The following ANKRD24 variants were observed in gnomAD, a reference collection of about 807,000 sequenced individuals.
ANKRD24 encodes the protein ankyrin repeat domain 24.
In ANKRD24, 109 loss-of-function variants were observed where a neutral mutation model predicts 127.8. That is an observed-to-expected ratio of 0.85 (90% confidence interval 0.73 to 1.00). The LOEUF (loss-of-function observed/expected upper bound fraction) is 1.00, where lower values mean the gene tolerates loss of function less well. Among genes scored for constraint, ANKRD24 ranks in the 50% least tolerant of loss-of-function variants. The probability of loss-of-function intolerance (pLI) is 0.00; values close to 1 mark genes in which losing one functional copy is unlikely to be tolerated. For missense variants in ANKRD24, 1,648 were observed against 1,570.2 expected (o/e 1.05, Z -0.84); for synonymous variants, 743 against 671.1 (o/e 1.11, Z -1.66).
At chr19:4,200,215 A>G in intron 5 of ANKRD24, 44 bp downstream of exon 5, 1 of 1,537,516 alleles carries the variant, frequency 6.5e-7, no homozygotes, top group Non-Finnish European at 8.8e-7. Context: ...AACTAAGCCC[A>G]GGTGCCCAGC....
chr19:4,220,973 T>C lies in ANKRD24; in HGVS notation c.3171+1215T>C, dbSNP rs1035030146. 3.9e-5 allele frequency among the ~76,000 whole-genome samples: 6 copies of C among 152,018 alleles called. No homozygotes were observed. The South Asian group carries it at 8.3e-4, about 21-fold the overall frequency. ...GTGCAGTGGTGCAATCTCAGATCATTGCAGCTTCGACCTCCTGGGTTCAAG... is the reference window on the plus strand; with the variant it reads ...GTGCAGTGGTGCAATCTCAGATCATCGCAGCTTCGACCTCCTGGGTTCAAG... On this transcript the variant is annotated intron_variant, in intron 19 of 21. Transcript: ENST00000318934.
chr19:4,203,015 C>G, intron 7 of ANKRD24, 89 bp downstream of exon 7: 1 of 1,126,710 alleles, frequency 8.9e-7, no homozygotes, highest in Non-Finnish European at 1.2e-6. Flanking sequence ...GGGACCTGAC[C>G]TGCTGTGAAG....
intron 2 of ANKRD24, among the ~76,000 whole-genome samples, chr19:4,193,026 C>T (rs1005169550): frequency 2.0e-5 from 3 of 151,854 alleles, no homozygotes; most frequent in East Asian, 3.9e-4. Flanking sequence ...AGAGGCCTGG[C>T]GCAGTGACTC....
Position 4,217,308 on chromosome 19 carries a change from G to A in ANKRD24, c.2148G>A (p.Glu716=). ...CCATCCTACATCCTGGTGCCGCAGA[G>A]GCCTCGGAAAAGCTTCAAGTAGAGC... The part of the protein sequence containing the change: ...AGPILHPGAA[E]ASEKLQVELE... Residue 716 remains glutamate, a synonymous_variant, in exon 18 of 22, where the codon GAG becomes GAA. Coordinates refer to ENST00000318934, the MANE Select transcript of ANKRD24 (RefSeq NM_001393985.1). 1 of 1,553,072 alleles carries A rather than the reference G, an allele frequency of 6.4e-7. No individual in the cohort carries two copies. Among genetic ancestry groups the A allele is most frequent in the Non-Finnish European group, 8.7e-7 (1 of 1,147,918 alleles).
intron 20 of ANKRD24, 104 bp downstream of exon 20, chr19:4,222,899 G>A (rs1970518372): frequency 2.3e-6 from 3 of 1,333,038 alleles, no homozygotes; most frequent in African/African-American, 1.5e-5. Flanking sequence ...GAGGGGCTGG[G>A]GTAGGCAGGT....
intron 2 of ANKRD24, among the ~76,000 whole-genome samples, 151 bp downstream of exon 2, chr19:4,186,612 T>G (rs894844459): frequency 3.9e-5 from 6 of 151,902 alleles, no homozygotes; most frequent in Non-Finnish European, 5.9e-5. Flanking sequence ...TCCCCACTGC[T>G]CCCCGTACAA....
intron 2 of ANKRD24, among the ~76,000 whole-genome samples, chr19:4,197,003 C>T (rs1009835896): frequency 6.6e-6 from 1 of 152,158 alleles, no homozygotes; most frequent in African/African-American, 2.4e-5. Context: ...CTGTGAGGAA[C>T]GAGTCACAGT....
At chr19:4,215,465 CAAAA>C (rs61437900) in intron 15 of ANKRD24, among the ~76,000 whole-genome samples, 6 of 116,906 alleles carry the variant, frequency 5.1e-5, no homozygotes, top group Admixed American at 8.7e-5. Context: ...AGCCTGGGGG[CAAAA>C]AAAAAAAAAA....
At position 4,212,681 on chromosome 19, in the gene ANKRD24, C is replaced by T. The variant is rs375444482; in HGVS notation, c.1180C>T (p.Arg394Trp). Residue 394 changes from arginine (R) to tryptophan (W), a missense_variant, in exon 15 of 22, where the codon CGG becomes TGG. Physicochemically the swap from Arg to Trp is moderately radical, Grantham distance 101 (BLOSUM62 -3). Transcript: ENST00000318934. Reference sequence around the variant, plus strand: ...ACGGGAGGTGGAGAGTTTGCAGAGCCGGCTGTCCCTGCTGGAGGTAGGAGC... The same window carrying T: ...ACGGGAGGTGGAGAGTTTGCAGAGCTGGCTGTCCCTGCTGGAGGTAGGAGC... ...LGREVESLQSRLSLLENEREN... is the reference protein window; with the variant it reads ...LGREVESLQSWLSLLENEREN... 1.4e-5 allele frequency: 22 copies of T among 1,549,468 alleles called. No homozygotes were observed. Among genetic ancestry groups the T allele is most frequent in the South Asian group, 4.8e-5 (4 of 83,998 alleles).
chr19:4,211,665 A>G (rs1408328929), intron 13 of ANKRD24, among the ~76,000 whole-genome samples: 1 of 151,946 alleles, frequency 6.6e-6, no homozygotes, highest in Non-Finnish European at 1.5e-5. Flanking sequence ...CCACAACAAC[A>G]ACAAACAAAA....
At chr19:4,219,533 G>A (rs1413117505) in intron 18 of ANKRD24, 58 bp from the exon 19 acceptor site, 1 of 1,527,788 alleles carries the variant, frequency 6.5e-7, no homozygotes, top group Admixed American at 2.0e-5. Flanking sequence ...TGAATTCTGG[G>A]GTCTAGCATC....
Position 4,198,227 on chromosome 19 carries a change from C to G in ANKRD24, c.37-1456C>G. On this transcript the variant is annotated intron_variant, in intron 2 of 21. Coordinates refer to ENST00000318934, the MANE Select transcript of ANKRD24 (RefSeq NM_001393985.1). This position sits in a 1 kb window ranked among gnomAD's most constrained non-coding sequence, Gnocchi z 6.1. ...TCCAGGCGACAAGGTCAGGAGGGGC[C>G]GGGGCGGCGCCCCTTCCCTCAGCCC... is the stretch of plus-strand genomic sequence containing the variant. 1 of 516,032 alleles carries G rather than the reference C, an allele frequency of 1.9e-6. No homozygotes were observed. Among genetic ancestry groups the G allele is most frequent in the Admixed American group, 4.0e-5 (1 of 24,892 alleles). 32.0% of individuals were successfully genotyped at this position (516,032 alleles called of 1,614,324 possible). A position where few individuals can be genotyped will look rare whatever the true frequency, so the allele number is the denominator to read the frequency against.
At position 4,200,138 on chromosome 19, in the gene ANKRD24, C is replaced by A; in HGVS notation, c.310C>A (p.His104Asn). The A allele has an allele frequency of 6.2e-7, 1 of 1,607,354 alleles. No homozygotes were observed. Among genetic ancestry groups the A allele is most frequent in the South Asian group, 1.1e-5 (1 of 89,778 alleles). The stretch of plus-strand genomic sequence containing the variant: ...CAGCTGTCTGGAGGTGATGATAGCT[C>A]ATGGCAGCAATGTCATGAGCGCGGA... ...AASCLEVMIA[H>N]GSNVMSADGA... The change falls in exon 5 of 22, where the codon CAT becomes AAT. Residue 104 changes from histidine (H) to asparagine (N), a missense_variant. Transcript: ENST00000318934.
At chr19:4,189,924 G>T (rs1968287993) in intron 2 of ANKRD24, among the ~76,000 whole-genome samples, 1 of 152,138 alleles carries the variant, frequency 6.6e-6, no homozygotes, top group Non-Finnish European at 1.5e-5. Context: ...TGGCCTGGAG[G>T]TGGGAGGGGA....
At chr19:4,220,360 G>T (rs879443702) in intron 19 of ANKRD24, among the ~76,000 whole-genome samples, 3 of 152,138 alleles carry the variant, frequency 2.0e-5, no homozygotes, top group African/African-American at 4.8e-5. Flanking sequence ...CAGGATAGGG[G>T]CTTTTATTAT....
intron 18 of ANKRD24, among the ~76,000 whole-genome samples, chr19:4,218,960 GT>G (rs919069658): frequency 6.6e-6 from 1 of 151,942 alleles, no homozygotes; most frequent in African/African-American, 2.4e-5. Context: ...TAAAGACAGG[GT>G]TTTGCCATGT....
chr19:4,210,235 A>G (rs1406989340), intron 12 of ANKRD24, 30 bp from the exon 13 acceptor site: 3 of 1,563,582 alleles, frequency 1.9e-6, no homozygotes, highest in African/African-American at 2.7e-5. Context: ...CTTAGGCCCC[A>G]TCTAAAGGCC....
chr19:4,208,675 C>A, intron 10 of ANKRD24, 89 bp from the exon 11 acceptor site: 1 of 1,298,194 alleles, frequency 7.7e-7, no homozygotes, highest in Non-Finnish European at 1.1e-6. Context: ...TTGGGGAAAT[C>A]GGGAGCCCCC....
At chr19:4,200,293 C>T in intron 5 of ANKRD24, 122 bp downstream of exon 5, 2 of 1,070,838 alleles carry the variant, frequency 1.9e-6, no homozygotes, top group South Asian at 3.1e-5. Context: ...GAGGCTCCCT[C>T]TGGTGCTCCT....
Sources: allele counts gnomAD v4.1 joint callset (sites outside exome capture counted in the v4.1 genomes callset), GRCh38; gene constraint gnomAD v4.1.1; non-coding constraint Gnocchi (gnomAD v3.1); transcripts MANE v1.5; gene names NCBI Gene and HGNC (gene_info 2026-07-23, HGNC 2026-07-21).